Variants in ANKS6 observed in about 807,000 individuals in gnomAD.
ANKS6 encodes the protein ankyrin repeat and SAM domain-containing protein 6.
A neutral mutation model predicts 77.9 loss-of-function variants in ANKS6; 47 were observed. The ratio of observed to expected loss-of-function variants is 0.60; its 90% confidence interval spans 0.48 to 0.77. The LOEUF is 0.77. ANKS6 is among the 30% of genes least tolerant of loss of function. ANKS6 has a pLI of 0.00. For missense variants in ANKS6, 1,150 were observed against 1,159.1 expected, an observed-to-expected ratio of 0.99 and a Z score of 0.11; for synonymous variants, 488 against 501.7, an observed-to-expected ratio of 0.97 and a Z score of 0.37.
At chr9:98,795,990 A>G in intron 1 of ANKS6, 143 bp downstream of exon 1, 2 of 810,428 alleles carry the variant, frequency 2.5e-6, no homozygotes, top group Non-Finnish European at 3.3e-6. Context: ...CAAAGTTTAC[A>G]AAAGACTACT....
At chr9:98,767,888 T>A (rs575124197) in intron 11 of ANKS6, among the ~76,000 whole-genome samples, 193 bp downstream of exon 11, 292 of 152,296 alleles carry the variant, frequency 1.9e-3, no homozygotes, top group Non-Finnish European at 3.0e-3. Flanking sequence ...AACCTGGAGA[T>A]GTGAGGGGAG....
intron 14 of ANKS6, among the ~76,000 whole-genome samples, chr9:98,739,758 A>ATTTTTTTTTGTTTTTTT (rs1831713337): frequency 1.1e-5 from 1 of 88,858 alleles, no homozygotes; most frequent in African/African-American, 5.2e-5. Context: ...TGGATTAAAC[A>ATTTTTTTTTGTTTTTTT]TTTTTTTTTT....
intron 11 of ANKS6, among the ~76,000 whole-genome samples, chr9:98,766,808 T>C (rs1174677683): frequency 6.6e-6 from 1 of 152,170 alleles, no homozygotes; most frequent in Non-Finnish European, 1.5e-5. Flanking sequence ...GGAGCATAAA[T>C]CTCTGGAGGC....
At chr9:98,780,917 TTG>T (rs1834213931) in intron 5 of ANKS6, among the ~76,000 whole-genome samples, 1 of 151,916 alleles carries the variant, frequency 6.6e-6, no homozygotes. Flanking sequence ...TTTTTTTTTT[TTG>T]GAGACAGAGT....
rs530110866 is a variant in ANKS6 at position 98,772,478 on chromosome 9, T to C, written c.1821+1399A>G. 9.2e-5 allele frequency among the ~76,000 whole-genome samples: 14 copies of C among 152,308 alleles called. 1 individual carries two copies. The South Asian group carries it at 2.9e-3, about 32-fold the overall frequency. ...AATACATTTCTGTTGTTTTAAGCCA[T>C]GCAGTTTGTGGTGACTTGTTACAGC... is the stretch of plus-strand genomic sequence containing the variant. On this transcript the variant is annotated intron_variant, in intron 9 of 14. Coordinates refer to ENST00000353234, the MANE Select transcript of ANKS6 (RefSeq NM_173551.5).
In ANKS6 at chr9:98,795,363, AACCTTCCATGACTCCCTAGC is replaced by A. The variant is rs569027694; in HGVS notation, c.359+750_359+769del. 6.3e-4 allele frequency among the ~76,000 whole-genome samples: 96 copies of A among 152,142 alleles called. 1 individual carries two copies. In the East Asian group the frequency reaches 0.014, roughly 22 times the overall value. Reference sequence around the variant, plus strand: ...TCATCCTGTCACTCATTCTGCCTAGAACCTTCCATGACTCCCTAGCACCTTCCATGACTCCCTAGCACCCT... The same window carrying A: ...TCATCCTGTCACTCATTCTGCCTAGAACCTTCCATGACTCCCTAGCACCCT... On this transcript the variant is annotated intron_variant, in intron 1 of 14. Coordinates refer to ENST00000353234, the MANE Select transcript of ANKS6 (RefSeq NM_173551.5).
chr9:98,793,497 C>T (rs1054682164), intron 1 of ANKS6, among the ~76,000 whole-genome samples: 3 of 152,242 alleles, frequency 2.0e-5, no homozygotes, highest in African/African-American at 7.2e-5. Context: ...AAAGTCAGTG[C>T]TCAATAAAGG....
Position 98,735,875 on chromosome 9 carries a change from G to T in ANKS6, c.*644C>A. 8.1e-7 allele frequency: 1 copy of T among 1,232,408 alleles called. No individual in the cohort carries two copies. The highest frequency in any genetic ancestry group is 4.1e-5 in the South Asian group (1 of 24,116). 76.3% of individuals were successfully genotyped at this position (1,232,408 alleles called of 1,614,324 possible). ...ACAGCAGTCACATACACAGCACTAA[G>T]GGACCCAGTGGCTGAAAGGGGGTCA... is the stretch of plus-strand genomic sequence containing the variant. On this transcript the variant is annotated 3_prime_UTR_variant, in exon 15 of 15. Transcript: ENST00000353234.
chr9:98,747,274 T>C (rs945726537), intron 13 of ANKS6, among the ~76,000 whole-genome samples: 26 of 152,238 alleles, frequency 1.7e-4, no homozygotes, highest in African/African-American at 6.3e-4. Flanking sequence ...ATTAACATTT[T>C]TTTTCTTTAA....
chr9:98,732,703 C>A lies in ANKS6; in HGVS notation c.*3816G>T, dbSNP rs940392667. On this transcript the variant is annotated 3_prime_UTR_variant, in exon 15 of 15. Transcript: ENST00000353234. ...TCACATGATCCCTGGGGGCTACTAT[C>A]CCCCTGTAACCAAAAGGGAAACTGG... The A allele has an allele frequency of 2.6e-4, 371 of 1,449,084 alleles. 7 individuals carry two copies. The South Asian group carries it at 2.7e-3, about 11-fold the overall frequency. The allele number at this position is 1,449,084 out of a possible 1,614,324, so 89.8% of individuals were successfully genotyped here.
At chr9:98,777,154 C>T (rs1833958678) in intron 8 of ANKS6, among the ~76,000 whole-genome samples, 1 of 152,198 alleles carries the variant, frequency 6.6e-6, no homozygotes, top group African/African-American at 2.4e-5. Flanking sequence ...CCTCAATCCC[C>T]TGCCTCCATG....
In ANKS6 at chr9:98,773,916, G is replaced by A. The variant is rs78732864; in HGVS notation, c.1782C>T (p.Ala594=). The A allele has an allele frequency of 2.5e-4, 391 of 1,591,202 alleles. 4 individuals are homozygous for A. The East Asian group carries it at 7.8e-3, about 32-fold the overall frequency. The stretch of plus-strand genomic sequence containing the variant: ...CGCCGCCCACGGGGTGGCCCCTGCT[G>A]GCTCTCTGGGGCAGCGCAGTCTTCA... ...DPMKTALPQR[A]SRGHPVGGGG... The change falls in exon 9 of 15, where the codon GCC becomes GCT. Residue 594 remains alanine, a synonymous_variant. Transcript: ENST00000353234.
At chr9:98,757,726 A>G (rs1386933948) in intron 11 of ANKS6, among the ~76,000 whole-genome samples, 1 of 152,138 alleles carries the variant, frequency 6.6e-6, no homozygotes, top group Admixed American at 6.5e-5. Context: ...CAAGAGTTCA[A>G]GAGCAGCCTA....
rs1168391190 is a variant in ANKS6 at position 98,735,982 on chromosome 9, C to T, written c.*537G>A. ...AGGGAAGATGTGCCAGGAAGGCTAACCTCTCACCATAATACATACCCCCCA... is the reference window on the plus strand; with the variant it reads ...AGGGAAGATGTGCCAGGAAGGCTAATCTCTCACCATAATACATACCCCCCA... On this transcript the variant is annotated 3_prime_UTR_variant, in exon 15 of 15. Transcript: ENST00000353234. 2.4e-6 allele frequency: 3 copies of T among 1,224,648 alleles called. No homozygotes were observed. Among genetic ancestry groups the T allele is most frequent in the Non-Finnish European group, 3.0e-6 (3 of 984,206 alleles). The allele number at this position is 1,224,648 out of a possible 1,614,324, so 75.9% of individuals were successfully genotyped here.
At position 98,756,481 on chromosome 9, in the gene ANKS6, C is replaced by T. The variant is rs566372073; in HGVS notation, c.2265G>A (p.Ser755=). 70 of 1,613,466 alleles carry T rather than the reference C, an allele frequency of 4.3e-5. No homozygotes were observed. The highest frequency in any genetic ancestry group is 3.3e-4 in the Middle Eastern group (2 of 6,060). The change falls in exon 12 of 15, where the codon TCG becomes TCA. Residue 755 remains serine, a synonymous_variant. Coordinates refer to ENST00000353234, the MANE Select transcript of ANKS6 (RefSeq NM_173551.5). ...TGCTCTTGGACTGCCGATGGGATGA[C>T]GAGGAAGACACTGAGGACTCTGCAG... The part of the protein sequence containing the change: ...GHTAESSVSS[S]SSHRQSKSSG...
intron 5 of ANKS6, 119 bp from the exon 6 acceptor site, chr9:98,780,456 A>G: frequency 8.0e-7 from 1 of 1,242,484 alleles, no homozygotes; most frequent in South Asian, 1.6e-5. Flanking sequence ...GGTCTGTGTA[A>G]TTCCAGAATC....
At chr9:98,792,354 C>T (rs933567647) in intron 1 of ANKS6, among the ~76,000 whole-genome samples, 1 of 152,166 alleles carries the variant, frequency 6.6e-6, no homozygotes, top group Non-Finnish European at 1.5e-5. Flanking sequence ...CACGTGAGCC[C>T]TCTTTCCCTA....
At chr9:98,782,686 A>G (rs1834342656) in intron 4 of ANKS6, 113 bp from the exon 5 acceptor site, 1 of 785,128 alleles carries the variant, frequency 1.3e-6, no homozygotes, top group East Asian at 2.6e-5. Context: ...TAAGAAGGAC[A>G]TGGAAGGGCA....
intron 11 of ANKS6, among the ~76,000 whole-genome samples, chr9:98,760,106 A>T (rs1039043027): frequency 5.3e-5 from 8 of 152,302 alleles, no homozygotes; most frequent in Admixed American, 4.6e-4. Flanking sequence ...TACAATTATT[A>T]TGTGTCAATG....
Sources: gnomAD v4.1 joint callset for allele counts (sites outside exome capture counted in the v4.1 genomes callset) on GRCh38, gnomAD v4.1.1 for gene constraint, MANE v1.5 for transcripts, NCBI Gene and HGNC (gene_info 2026-07-23, HGNC 2026-07-21) for gene names.